Variants in KDM5B observed in about 807,000 individuals in gnomAD.
The protein encoded by KDM5B is lysine demethylase 5B.
A neutral mutation model predicts 193.4 loss-of-function variants in KDM5B; 144 were observed. That is an observed-to-expected ratio of 0.74 (90% confidence interval 0.65 to 0.86). KDM5B has a LOEUF of 0.86. Among genes scored for constraint, KDM5B ranks in the 40% least tolerant of loss-of-function variants. The pLI is 0.00. For missense variants in KDM5B, 1,833 were observed against 1,886.9 expected (o/e 0.97, Z 0.53); for synonymous variants, 668 against 682.6 (o/e 0.98, Z 0.33).
At chr1:202,794,967 C>G (rs1313444943) in intron 1 of KDM5B, among the ~76,000 whole-genome samples, 2 of 152,130 alleles carry the variant, frequency 1.3e-5, no homozygotes, top group Non-Finnish European at 2.9e-5. Flanking sequence ...AATCCCAGAA[C>G]TTTGGAAGGC....
intron 23 of KDM5B, 102 bp from the exon 24 acceptor site, chr1:202,732,041 G>GCA: frequency 5.5e-6 from 3 of 548,198 alleles, no homozygotes; most frequent in East Asian, 4.1e-5. Flanking sequence ...GGCAACCAGG[G>GCA]GAAAAAAAAA....
At chr1:202,729,199 G>A in intron 26 of KDM5B, 26 bp from the exon 27 acceptor site, 2 of 1,613,342 alleles carry the variant, frequency 1.2e-6, no homozygotes, top group Middle Eastern at 1.7e-4. Context: ...AGGAAGATGG[G>A]GTTTTCAGAG....
chr1:202,766,621 A>G (rs1656472773), intron 5 of KDM5B: 1 of 466,256 alleles, frequency 2.1e-6, no homozygotes, highest in East Asian at 5.1e-5. Flanking sequence ...AACAACGCCA[A>G]TTTTGTGAGG....
chr1:202,788,203 C>A (rs1657489794), intron 1 of KDM5B, among the ~76,000 whole-genome samples: 1 of 152,138 alleles, frequency 6.6e-6, no homozygotes, highest in African/African-American at 2.4e-5. Flanking sequence ...CTGGGTCAAC[C>A]CAGTCTTCCC....
chr1:202,735,714 G>T, intron 21 of KDM5B, 127 bp from the exon 22 acceptor site: 1 of 812,314 alleles, frequency 1.2e-6, no homozygotes, highest in Non-Finnish European at 1.9e-6. Context: ...GATTTTCTTT[G>T]GAACATGCAA....
chr1:202,729,062 C>T lies in KDM5B; in HGVS notation c.4609G>A (p.Val1537Met). 1 of 1,614,100 alleles carries T rather than the reference C, an allele frequency of 6.2e-7. No individual in the cohort carries two copies. The highest frequency in any genetic ancestry group is 8.5e-7 in the Non-Finnish European group (1 of 1,179,994). Residue 1537 changes from valine (V) to methionine (M), a missense_variant, in exon 27 of 27, where the codon GTG becomes ATG. Around this residue, in one of 3 missense-constraint regions of KDM5B, gnomAD observed 1,379 missense variants for 1,349.6 expected, o/e 1.02. Coordinates refer to ENST00000367265, the MANE Select transcript of KDM5B (RefSeq NM_006618.5). ...KEDYICVRCT[V>M]KDAPSRK is the part of the protein sequence containing the mutation. The stretch of plus-strand genomic sequence containing the variant: ...TACTTTCGGCTTGGTGCGTCCTTCA[C>T]AGTACAGCGCACACAGATGTAGTCT...
intron 4 of KDM5B, among the ~76,000 whole-genome samples, chr1:202,772,062 G>A (rs1656742954): frequency 6.6e-6 from 1 of 152,188 alleles, no homozygotes; most frequent in Non-Finnish European, 1.5e-5. Context: ...CAGATGGTGT[G>A]TTTGTGTGTG....
At position 202,771,710 on chromosome 1, in the gene KDM5B, T is replaced by A. The variant is rs192923417; in HGVS notation, c.576+1408A>T. ...GATTCTCCTGCCCCAGCCTCCCAAG[T>A]AGCTGGGACTACAGGCACGCACCAC... On this transcript the variant is annotated intron_variant, in intron 4 of 26. Transcript: ENST00000367265. Among the ~76,000 whole-genome samples the A allele has an allele frequency of 2.6e-3, 394 of 152,218 alleles. 1 individual carries two copies. Among genetic ancestry groups the A allele is most frequent in the African/African-American group, 9.1e-3 (376 of 41,542 alleles).
At chr1:202,782,258 C>T (rs1472591008) in intron 1 of KDM5B, among the ~76,000 whole-genome samples, 2 of 152,224 alleles carry the variant, frequency 1.3e-5, no homozygotes, top group Admixed American at 6.5e-5. Context: ...CTGTCAGCTG[C>T]AAAACTAGAC....
At chr1:202,799,919 G>A (rs943053007) in intron 1 of KDM5B, among the ~76,000 whole-genome samples, 5 of 152,096 alleles carry the variant, frequency 3.3e-5, no homozygotes, top group Admixed American at 2.0e-4. Flanking sequence ...AGATTTTAAG[G>A]GACATTAATA....
intron 24 of KDM5B, 35 bp downstream of exon 24, chr1:202,731,793 C>T: frequency 2.2e-6 from 3 of 1,391,686 alleles, no homozygotes; most frequent in Non-Finnish European, 3.1e-6. Flanking sequence ...TCACTCATTA[C>T]TATCCAGCCC....
chr1:202,763,490 C>T (rs578019179), intron 6 of KDM5B, among the ~76,000 whole-genome samples: 3 of 152,208 alleles, frequency 2.0e-5, no homozygotes, highest in African/African-American at 7.2e-5. Context: ...CATTGTGCTG[C>T]CTTTCCACTA....
intron 1 of KDM5B, among the ~76,000 whole-genome samples, chr1:202,783,741 C>T (rs1367663699): frequency 1.3e-5 from 2 of 151,928 alleles, no homozygotes; most frequent in African/African-American, 2.4e-5. Context: ...ATTAGCCAGG[C>T]GTGGTGGCGG....
intron 1 of KDM5B, among the ~76,000 whole-genome samples, chr1:202,793,241 C>T (rs368812036): frequency 1.1e-4 from 16 of 152,268 alleles, no homozygotes; most frequent in African/African-American, 3.9e-4. Context: ...CAGCAAAAAC[C>T]AACAAATATG....
At chr1:202,787,388 C>A (rs1331723624) in intron 1 of KDM5B, among the ~76,000 whole-genome samples, 4 of 152,004 alleles carry the variant, frequency 2.6e-5, no homozygotes, top group Non-Finnish European at 4.4e-5. Flanking sequence ...TTGAGGACCT[C>A]AAAGAATGTT....
rs1655548896 is a variant in KDM5B, at chr1:202,746,163, G to A, written c.2177C>T (p.Pro726Leu). Residue 726 changes from proline to leucine, a missense_variant, in exon 15 of 27, where the codon CCT becomes CTT. Pro to Leu is a moderately conservative substitution (Grantham distance 98). Coordinates refer to ENST00000367265, the MANE Select transcript of KDM5B (RefSeq NM_006618.5). ...TTACCGCAATTTATATTTGTAAGGAGGACAGGAACACAATTCTTTTACATG... is the reference window on the plus strand; with the variant it reads ...TTACCGCAATTTATATTTGTAAGGAAGACAGGAACACAATTCTTTTACATG... ...LHHVKELCSC[P>L]PYKYKLRYRY... The A allele has an allele frequency of 2.5e-6, 4 of 1,612,102 alleles. No individual in the cohort carries two copies. In the East Asian group the frequency reaches 8.9e-5, roughly 36 times the overall value.
intron 4 of KDM5B, among the ~76,000 whole-genome samples, chr1:202,768,922 G>C (rs1376987488): frequency 6.6e-6 from 1 of 151,082 alleles, no homozygotes; most frequent in Non-Finnish European, 1.5e-5. Flanking sequence ...TCTCCATGTT[G>C]AGGCTGGTCT....
chr1:202,750,686 C>T lies in KDM5B; in HGVS notation c.1794G>A (p.Glu598=). Residue 598 remains glutamate (E), a synonymous_variant, in exon 13 of 27, where the codon GAG becomes GAA. Transcript: ENST00000367265. ...AATCAACAGTGCAGAAGTTAACAGCCTCAGCAAAATTAAAACCCTGGTTAA... is the reference window on the plus strand; with the variant it reads ...AATCAACAGTGCAGAAGTTAACAGCTTCAGCAAAATTAAAACCCTGGTTAA... ...SGFNQGFNFA[E]AVNFCTVDWL... The T allele has an allele frequency of 6.2e-7, 1 of 1,613,882 alleles. No homozygotes were observed. Among genetic ancestry groups the T allele is most frequent in the Non-Finnish European group, 8.5e-7 (1 of 1,179,836 alleles).
In KDM5B at chr1:202,778,075, T is replaced by C. The variant is rs1657037091; in HGVS notation, c.205-981A>G. Among the ~76,000 whole-genome samples, 5 of 151,678 alleles carry C rather than the reference T, an allele frequency of 3.3e-5. No individual in the cohort carries two copies. The South Asian group carries it at 1.0e-3, about 31-fold the overall frequency. On this transcript the variant is annotated intron_variant, in intron 1 of 26. Transcript: ENST00000367265. The stretch of plus-strand genomic sequence containing the variant: ...CTGTAGTCCCAGCTACTCAGGAGGC[T>C]GAGACAGGAGAATCGCTGGAACACA...
Sources: gnomAD v4.1 joint callset for allele counts (sites outside exome capture counted in the v4.1 genomes callset) on GRCh38, gnomAD v4.1.1 for gene constraint, gnomAD v4.1.1 regional missense constraint, MANE v1.5 for transcripts, NCBI Gene and HGNC (gene_info 2026-07-23, HGNC 2026-07-21) for gene names.